Variants in CNTNAP2 observed in about 807,000 individuals in gnomAD.
The protein encoded by CNTNAP2 is contactin-associated protein-like 2.
CNTNAP2 carries 98 observed loss-of-function variants against 155.2 expected under a neutral mutation model. The ratio of observed to expected loss-of-function variants is 0.63; its 90% CI spans 0.54 to 0.75. CNTNAP2 has a LOEUF of 0.75. Ranked by LOEUF, CNTNAP2 falls within the 30% of genes least tolerant of loss-of-function variation. The probability of loss-of-function intolerance (pLI) is 0.00; values close to 1 mark genes in which losing one functional copy is unlikely to be tolerated. For missense variants in CNTNAP2, 1,727 were observed against 1,688.1 expected, an observed-to-expected ratio of 1.02 and a Z score of -0.40; for synonymous variants, 651 against 631.2, an observed-to-expected ratio of 1.03 and a Z score of -0.47.
At chr7:147,474,327 C>T (rs562434640) in intron 10 of CNTNAP2, among the ~76,000 whole-genome samples, 1 of 151,782 alleles carries the variant, frequency 6.6e-6, no homozygotes, top group Admixed American at 6.5e-5. Context: ...GGCACGGTGG[C>T]TCACGCCTGT....
intron 3 of CNTNAP2, among the ~76,000 whole-genome samples, chr7:146,927,797 A>T (rs1409012774): frequency 1.3e-5 from 2 of 151,792 alleles, no homozygotes; most frequent in Admixed American, 1.3e-4. Context: ...GTATGTATAC[A>T]TGTATATGTC....
At chr7:148,033,342 T>C (rs1802515488) in intron 15 of CNTNAP2, among the ~76,000 whole-genome samples, 1 of 139,892 alleles carries the variant, frequency 7.1e-6, no homozygotes, top group African/African-American at 2.8e-5. Context: ...TTAAGATCCT[T>C]TTTTTTCCTT....
intron 15 of CNTNAP2, among the ~76,000 whole-genome samples, chr7:148,057,863 T>G (rs576958018): frequency 1.3e-5 from 2 of 152,070 alleles, no homozygotes; most frequent in South Asian, 4.2e-4. Flanking sequence ...TCTCTAAGCT[T>G]CAAATTCTCT....
chr7:147,019,626 T>G (rs531128866), intron 3 of CNTNAP2, among the ~76,000 whole-genome samples: 1 of 152,190 alleles, frequency 6.6e-6, no homozygotes, highest in East Asian at 1.9e-4. Context: ...TTATGCTCAA[T>G]GACCCTTCTG....
chr7:146,730,968 G>A (rs1473652121), intron 1 of CNTNAP2, among the ~76,000 whole-genome samples: 1 of 152,120 alleles, frequency 6.6e-6, no homozygotes, highest in East Asian at 1.9e-4. Context: ...CTAGGACCGT[G>A]CTAAAATTTC....
intron 10 of CNTNAP2, among the ~76,000 whole-genome samples, chr7:147,451,698 C>A (rs1317418972): frequency 1.3e-5 from 2 of 150,002 alleles, no homozygotes; most frequent in East Asian, 3.9e-4. Context: ...CAGTCCCTAA[C>A]AGTCTAGGAT....
intron 3 of CNTNAP2, among the ~76,000 whole-genome samples, chr7:146,967,404 C>A (rs974531880): frequency 2.0e-5 from 3 of 151,890 alleles, no homozygotes; most frequent in African/African-American, 7.3e-5. Context: ...TTGGGCAGTA[C>A]GGCCATTTTC....
At chr7:146,880,789 G>T (rs749998559) in intron 3 of CNTNAP2, among the ~76,000 whole-genome samples, 1 of 152,016 alleles carries the variant, frequency 6.6e-6, no homozygotes, top group Non-Finnish European at 1.5e-5. Context: ...ACTTACAGAG[G>T]GCTGAATATT....
chr7:147,296,423 C>T (rs1013807375), intron 8 of CNTNAP2, among the ~76,000 whole-genome samples: 1 of 152,276 alleles, frequency 6.6e-6, no homozygotes, highest in African/African-American at 2.4e-5. Flanking sequence ...TGACAGTTAA[C>T]TTCAAGAATA....
In CNTNAP2 at chr7:148,118,121, A is replaced by G; in HGVS notation, c.2387A>G (p.Asn796Ser). The G allele has an allele frequency of 1.9e-6, 3 of 1,614,044 alleles. No individual in the cohort carries two copies. Among genetic ancestry groups the G allele is most frequent in the South Asian group, 1.1e-5 (1 of 91,088 alleles). ...TTTTTTTGTTTTCTTCCCACAGGGAATTATTGGAATGCCGCCTCTTTCCCA... is the reference window on the plus strand; with the variant it reads ...TTTTTTTGTTTTCTTCCCACAGGGAGTTATTGGAATGCCGCCTCTTTCCCA... ...VGPLRCQGDR[N>S]YWNAASFPNP... The change falls in exon 16 of 24, where the codon AAT becomes AGT. Residue 796 changes from asparagine (N) to serine (S), a missense_variant. Transcript: ENST00000361727.
chr7:147,259,955 A>T (rs928290243), intron 8 of CNTNAP2, among the ~76,000 whole-genome samples: 38 of 152,188 alleles, frequency 2.5e-4, no homozygotes, highest in African/African-American at 9.2e-4. Context: ...GTAACTGAGT[A>T]CATTTTCCAC....
chr7:146,622,396 G>T (rs1010704108), intron 1 of CNTNAP2, among the ~76,000 whole-genome samples: 1 of 151,812 alleles, frequency 6.6e-6, no homozygotes, highest in African/African-American at 2.4e-5. Context: ...ACCAGTATCT[G>T]GATGCTATGT....
chr7:148,236,474 T>C (rs1796042980), intron 20 of CNTNAP2, among the ~76,000 whole-genome samples: 1 of 152,194 alleles, frequency 6.6e-6, no homozygotes, highest in Admixed American at 6.5e-5. Flanking sequence ...GTCAATTCTT[T>C]CCTGAACTCA....
chr7:146,256,667 A>C (rs1026342366), intron 1 of CNTNAP2, among the ~76,000 whole-genome samples: 2 of 152,058 alleles, frequency 1.3e-5, no homozygotes, highest in Non-Finnish European at 2.9e-5. Context: ...TACTAAGAAA[A>C]TATAAGAAAA....
At chr7:146,851,274 G>A (rs6972906) in intron 3 of CNTNAP2, among the ~76,000 whole-genome samples, 2 of 151,812 alleles carry the variant, frequency 1.3e-5, no homozygotes, top group Admixed American at 6.6e-5. Flanking sequence ...CATGAGCCAC[G>A]GCACCTGGGC....
intron 8 of CNTNAP2, among the ~76,000 whole-genome samples, chr7:147,156,890 T>C (rs1226327492): frequency 6.6e-6 from 1 of 152,096 alleles, no homozygotes; most frequent in Non-Finnish European, 1.5e-5. Flanking sequence ...ATGTCACCTT[T>C]GATATCACAC....
intron 4 of CNTNAP2, among the ~76,000 whole-genome samples, chr7:147,046,832 A>G: frequency 6.6e-6 from 1 of 151,964 alleles, no homozygotes; most frequent in East Asian, 2.0e-4. Flanking sequence ...GATCGAGACC[A>G]TCCTGGATAA....
At chr7:146,398,298 T>TCACACTTCCA (rs1795663574) in intron 1 of CNTNAP2, among the ~76,000 whole-genome samples, 2 of 149,400 alleles carry the variant, frequency 1.3e-5, no homozygotes, top group African/African-American at 5.0e-5. Flanking sequence ...TAGGAAGGAA[T>TCACACTTCCA]CAGGGAACTT....
At chr7:148,160,606 C>A (rs531218682) in intron 17 of CNTNAP2, among the ~76,000 whole-genome samples, 1 of 152,238 alleles carries the variant, frequency 6.6e-6, no homozygotes, top group African/African-American at 2.4e-5. Flanking sequence ...ATAATTTTGA[C>A]TTGGCAGTGA....
Sources: allele counts gnomAD v4.1 joint callset (sites outside exome capture counted in the v4.1 genomes callset), GRCh38; gene constraint gnomAD v4.1.1; transcripts MANE v1.5; gene names NCBI Gene and HGNC (gene_info 2026-07-23, HGNC 2026-07-21).